The following PXDN variants were observed in gnomAD, a reference collection of about 807,000 sequenced individuals.
PXDN encodes peroxidasin homolog.
In PXDN, 77 loss-of-function variants were observed where a neutral mutation model predicts 140.3. The observed-to-expected ratio is 0.55, with a 90% CI of 0.46 to 0.66. The LOEUF is 0.66. Ranked by LOEUF, PXDN falls within the 30% of genes least tolerant of loss-of-function variation. The pLI is 0.00. For missense variants in PXDN, 1,838 were observed against 2,039.5 expected, an observed-to-expected ratio of 0.90 and a Z score of 1.90; for synonymous variants, 911 against 857.4, an observed-to-expected ratio of 1.06 and a Z score of -1.09.
At chr2:1,721,910 T>C (rs1685062169) in intron 1 of PXDN, among the ~76,000 whole-genome samples, 1 of 152,170 alleles carries the variant, frequency 6.6e-6, no homozygotes, top group Non-Finnish European at 1.5e-5. Context: ...AAGAAATATT[T>C]ATACCAAATA....
At chr2:1,727,081 A>C (rs754220801) in intron 1 of PXDN, among the ~76,000 whole-genome samples, 1 of 152,258 alleles carries the variant, frequency 6.6e-6, no homozygotes, top group Non-Finnish European at 1.5e-5. Context: ...TCTCAAATGC[A>C]GTGAACACTC....
rs983323794 is a variant in PXDN at position 1,719,838 on chromosome 2, G to C, written c.200+24418C>G. On this transcript the variant is annotated intron_variant, in intron 1 of 22. Coordinates refer to ENST00000252804, the MANE Select transcript of PXDN (RefSeq NM_012293.3). ...GGATGTGTGTACATGCGTGCATTGT[G>C]TGTGTGTGTGTGTGTGTGTGTGTGT... is the stretch of plus-strand genomic sequence containing the variant. 4.5e-4 allele frequency among the ~76,000 whole-genome samples: 42 copies of C among 93,764 alleles called. 2 individuals are homozygous for C. In the East Asian group the frequency reaches 0.011, roughly 24 times the overall value. 61.5% of individuals were successfully genotyped at this position (93,764 alleles called of 152,430 possible).
In PXDN at chr2:1,685,483, C is replaced by T. The variant is rs1317165345; in HGVS notation, c.417-1332G>A. On this transcript the variant is annotated intron_variant, in intron 4 of 22. Coordinates refer to ENST00000252804, the MANE Select transcript of PXDN (RefSeq NM_012293.3). The surrounding 1 kb of genome is among the most constrained non-coding windows in gnomAD (Gnocchi z 5.1). ...CTTGGCCTTTCACAGCCCATGGCAG[C>T]TGGGGACCGATGTAAGACCCAGGCA... 6.6e-6 allele frequency among the ~76,000 whole-genome samples: 1 copy of T among 152,118 alleles called. No individual in the cohort carries two copies. The highest frequency in any genetic ancestry group is 6.5e-5 in the Admixed American group (1 of 15,282).
chr2:1,716,679 G>A (rs931231350), intron 1 of PXDN, among the ~76,000 whole-genome samples: 3 of 152,252 alleles, frequency 2.0e-5, no homozygotes, highest in South Asian at 2.1e-4. Flanking sequence ...CTGCAATCAC[G>A]TGGTGGGGCC....
chr2:1,662,588 C>T lies in PXDN; in HGVS notation c.1568-404G>A, dbSNP rs567780251. 6.6e-5 allele frequency among the ~76,000 whole-genome samples: 10 copies of T among 152,272 alleles called. No individual in the cohort carries two copies. The East Asian group carries it at 1.9e-3, about 29-fold the overall frequency. On this transcript the variant is annotated intron_variant, in intron 12 of 22. Coordinates refer to ENST00000252804, the MANE Select transcript of PXDN (RefSeq NM_012293.3). Reference sequence around the variant, plus strand: ...CAAGCTCTGGGGAGAGCCCGACTCTCGGAGAAGGAAACAGAGGGGAGCTTC... The same window carrying T: ...CAAGCTCTGGGGAGAGCCCGACTCTTGGAGAAGGAAACAGAGGGGAGCTTC...
chr2:1,664,035 C>G, intron 11 of PXDN: 1 of 424,532 alleles, frequency 2.4e-6, no homozygotes, highest in South Asian at 3.7e-5. Flanking sequence ...CATGGGGACT[C>G]GGGGAGTCAG....
chr2:1,682,103 G>A (rs1683921171), intron 6 of PXDN, among the ~76,000 whole-genome samples: 1 of 152,180 alleles, frequency 6.6e-6, no homozygotes, highest in African/African-American at 2.4e-5. Flanking sequence ...CTTTAGTAAA[G>A]TGAGCAAACA....
In PXDN at chr2:1,680,223, C is replaced by A. The variant is rs1345042359; in HGVS notation, c.700G>T (p.Ala234Ser). ...TTCAGCTCTTCCGGGGTGATGGTTGCCACTGAGCGTCCCTGGATGCGTCTG... is the reference window on the plus strand; with the variant it reads ...TTCAGCTCTTCCGGGGTGATGGTTGACACTGAGCGTCCCTGGATGCGTCTG... ...YPRRIQGRSV[A>S]TITPEELNCE... The change falls in exon 7 of 23, where the codon GCA (alanine) becomes TCA (serine). Residue 234 changes from alanine (A) to serine (S), a missense_variant. Ala to Ser is a moderately conservative substitution (Grantham distance 99, BLOSUM62 1). Transcript: ENST00000252804. 6.3e-7 allele frequency: 1 copy of A among 1,596,132 alleles called. No homozygotes were observed. Among genetic ancestry groups the A allele is most frequent in the Admixed American group, 1.8e-5 (1 of 56,960 alleles).
chr2:1,712,056 T>C (rs890974905), intron 1 of PXDN, among the ~76,000 whole-genome samples: 1 of 149,428 alleles, frequency 6.7e-6, no homozygotes, highest in Non-Finnish European at 1.5e-5. Flanking sequence ...GAGGAATATA[T>C]ATTGATCAAG....
intron 1 of PXDN, among the ~76,000 whole-genome samples, chr2:1,705,085 G>A (rs1456545163): frequency 6.8e-6 from 1 of 146,838 alleles, no homozygotes; most frequent in East Asian, 2.0e-4. Context: ...CCCTGATGTC[G>A]CCCGGCACTG....
Position 1,634,158 on chromosome 2 carries a change from T to A in PXDN, c.*46A>T. The A allele has an allele frequency of 6.5e-7, 1 of 1,546,470 alleles. No individual in the cohort carries two copies. The highest frequency in any genetic ancestry group is 8.7e-7 in the Non-Finnish European group (1 of 1,142,974). On this transcript the variant is annotated 3_prime_UTR_variant, in exon 23 of 23. Transcript: ENST00000252804. ...CAGCTCCCTGCCATCGGCCACCCGA[T>A]CTCACGATGGCACAGCAGACAAACT...
chr2:1,720,535 G>A (rs556160586), intron 1 of PXDN, among the ~76,000 whole-genome samples: 6 of 152,102 alleles, frequency 3.9e-5, no homozygotes, highest in Admixed American at 1.3e-4. Flanking sequence ...GGAGTGCCTC[G>A]CTCCACGCTT....
intron 14 of PXDN, among the ~76,000 whole-genome samples, chr2:1,654,834 C>T (rs932288144): frequency 1.3e-5 from 2 of 152,226 alleles, no homozygotes; most frequent in South Asian, 2.1e-4. Flanking sequence ...TGTGGCCAGC[C>T]CAGCAGACAA....
chr2:1,713,051 C>G (rs533057010), intron 1 of PXDN, among the ~76,000 whole-genome samples: 64 of 152,208 alleles, frequency 4.2e-4, no homozygotes, highest in African/African-American at 1.5e-3. Context: ...TATATTTTTT[C>G]TTAAAAAGAA....
At chr2:1,657,949 C>A (rs1274061342) in intron 14 of PXDN, among the ~76,000 whole-genome samples, 1 of 149,138 alleles carries the variant, frequency 6.7e-6, no homozygotes, top group Non-Finnish European at 1.5e-5. Flanking sequence ...CTTGCCCCCT[C>A]CTCACTGGGA....
chr2:1,693,828 G>A (rs1465988587), intron 1 of PXDN, among the ~76,000 whole-genome samples: 1 of 152,220 alleles, frequency 6.6e-6, no homozygotes, highest in East Asian at 1.9e-4. Context: ...TGAATCTGGT[G>A]CTGGAAAGAG....
In PXDN at chr2:1,687,843, TG is replaced by T; in HGVS notation, c.345-141del. ...GAATGCAAACAAACCATCTGCACGG[TG>T]AGTACAGTGCCTCTCCCAAGGGCTT... On this transcript the variant is annotated intron_variant, in intron 3 of 22. Transcript: ENST00000252804. The surrounding 1 kb of genome is among the most constrained non-coding windows in gnomAD (Gnocchi z 4.0). The T allele has an allele frequency of 1.6e-6, 1 of 620,346 alleles. No homozygotes were observed. Among genetic ancestry groups the T allele is most frequent in the Non-Finnish European group, 2.7e-6 (1 of 364,588 alleles). 38.4% of individuals were successfully genotyped at this position (620,346 alleles called of 1,614,324 possible). A position where few individuals can be genotyped will look rare whatever the true frequency, so the allele number is the denominator to read the frequency against.
chr2:1,703,031 A>AG (rs1336834483), intron 1 of PXDN, among the ~76,000 whole-genome samples: 8 of 43,962 alleles, frequency 1.8e-4, no homozygotes, highest in African/African-American at 7.9e-4. Context: ...CTCCAGGTGA[A>AG]GGGGGGGCAG....
intron 1 of PXDN, among the ~76,000 whole-genome samples, chr2:1,718,201 A>AT (rs1684938592): frequency 6.6e-6 from 1 of 151,366 alleles, no homozygotes; most frequent in African/African-American, 2.5e-5. Flanking sequence ...CTACTCACCT[A>AT]TTCCACTAAC....
Sources: allele counts gnomAD v4.1 joint callset (sites outside exome capture counted in the v4.1 genomes callset), GRCh38; gene constraint gnomAD v4.1.1; non-coding constraint Gnocchi (gnomAD v3.1); transcripts MANE v1.5; gene names NCBI Gene and HGNC (gene_info 2026-07-23, HGNC 2026-07-21).